Variants in SCAI observed in about 807,000 individuals in gnomAD.
The protein encoded by SCAI is suppressor of cancer cell invasion.
Under a neutral mutation model 92.2 loss-of-function variants are expected in SCAI, and 24 were observed. The observed-to-expected ratio is 0.26, with a 90% CI of 0.19 to 0.37. The LOEUF is 0.37. Ranked by LOEUF, SCAI falls within the 10% of genes least tolerant of loss-of-function variation. The pLI is 1.00. For missense variants in SCAI, 450 were observed against 736.2 expected (o/e 0.61, Z 4.50); for synonymous variants, 261 against 258.6 (o/e 1.01, Z -0.09).
chr9:125,062,255 A>G (rs745539844), intron 2 of SCAI, among the ~76,000 whole-genome samples: 1 of 151,566 alleles, frequency 6.6e-6, no homozygotes, highest in African/African-American at 2.4e-5. Context: ...CCTCTTGAGT[A>G]GCTGGGTCTC....
intron 2 of SCAI, among the ~76,000 whole-genome samples, chr9:125,064,960 A>G (rs2131151878): frequency 6.6e-6 from 1 of 152,358 alleles, no homozygotes; most frequent in Non-Finnish European, 1.5e-5. Flanking sequence ...GAACTGATTC[A>G]CAATGAAAAT....
chr9:125,081,240 C>G (rs1035199847), intron 2 of SCAI, among the ~76,000 whole-genome samples: 1 of 152,158 alleles, frequency 6.6e-6, no homozygotes, highest in Admixed American at 6.5e-5. Flanking sequence ...GAGGTTGGAA[C>G]AGTTTGGAGG....
intron 14 of SCAI, among the ~76,000 whole-genome samples, chr9:124,994,390 T>G (rs1044219578): frequency 1.3e-5 from 2 of 152,190 alleles, no homozygotes; most frequent in Non-Finnish European, 2.9e-5. Context: ...TAGTGAAATA[T>G]AAAACGAAGG....
At chr9:125,016,992 A>G (rs1394429179) in intron 9 of SCAI, among the ~76,000 whole-genome samples, 1 of 152,214 alleles carries the variant, frequency 6.6e-6, no homozygotes, top group Non-Finnish European at 1.5e-5. Flanking sequence ...GAGACAGAAG[A>G]TATCAGAAGA....
chr9:125,074,258 C>CAA lies in SCAI; in HGVS notation c.99-18253_99-18252dup, dbSNP rs1160696426. Among the ~76,000 whole-genome samples, 10 of 84,820 alleles carry CAA rather than the reference C, an allele frequency of 1.2e-4. No homozygotes were observed. The East Asian group carries it at 1.4e-3, about 12-fold the overall frequency. 55.6% of individuals were successfully genotyped at this position (84,820 alleles called of 152,430 possible). On this transcript the variant is annotated intron_variant, in intron 2 of 17. Transcript: ENST00000336505. ...TGGGTGACAGAGCGAGACTCCATATCAAAAAAAAAAAAAAAAAAGATAGAG... is the reference window on the plus strand; with the variant it reads ...TGGGTGACAGAGCGAGACTCCATATCAAAAAAAAAAAAAAAAAAAAGATAGAG...
intron 2 of SCAI, among the ~76,000 whole-genome samples, chr9:125,125,908 G>GAACACACACA (rs1564424059): frequency 2.4e-5 from 1 of 41,404 alleles, no homozygotes. Flanking sequence ...GTGCGTACAC[G>GAACACACACA]TACACACACA....
chr9:124,952,289 C>A lies in SCAI; in HGVS notation c.*518G>T, dbSNP rs1831244531. On this transcript the variant is annotated 3_prime_UTR_variant, in exon 18 of 18. Transcript: ENST00000336505. ...AAAGAAATTAAATGATTTCAAAAAACTGGCTTGATCATGTTTCAAAGGATC... is the reference window on the plus strand; with the variant it reads ...AAAGAAATTAAATGATTTCAAAAAAATGGCTTGATCATGTTTCAAAGGATC... The A allele has an allele frequency of 6.6e-6, 1 of 152,176 alleles. No homozygotes were observed. Among genetic ancestry groups the A allele is most frequent in the Admixed American group, 6.5e-5 (1 of 15,280 alleles). The allele number at this position is 152,176 out of a possible 1,614,324, so 9.4% of individuals were successfully genotyped here. A position where few individuals can be genotyped will look rare whatever the true frequency, so the allele number is the denominator to read the frequency against.
chr9:125,047,735 C>G (rs549253182), intron 3 of SCAI, among the ~76,000 whole-genome samples: 37 of 152,272 alleles, frequency 2.4e-4, no homozygotes, highest in Admixed American at 2.0e-3. Context: ...TGTAGTTAAT[C>G]TGAACTGAAA....
intron 2 of SCAI, among the ~76,000 whole-genome samples, chr9:125,140,905 C>T (rs960386498): frequency 1.7e-4 from 26 of 151,720 alleles, no homozygotes; most frequent in African/African-American, 5.6e-4. Context: ...AATATTGTCT[C>T]ACTATGTCAT....
intron 9 of SCAI, among the ~76,000 whole-genome samples, chr9:125,004,714 G>A (rs1219076111): frequency 8.8e-6 from 1 of 113,298 alleles, no homozygotes; most frequent in Non-Finnish European, 1.7e-5. Context: ...AATTAGCTAT[G>A]CTGAAATACA....
chr9:125,106,722 CTTTTTTTTTT>C (rs34740170), intron 2 of SCAI, among the ~76,000 whole-genome samples: 1 of 113,338 alleles, frequency 8.8e-6, no homozygotes, highest in Non-Finnish European at 1.8e-5. Flanking sequence ...TTTTCTTTTC[CTTTTTTTTTT>C]TTTTTTTTTT....
At chr9:125,017,564 A>G (rs1049007697) in intron 9 of SCAI, among the ~76,000 whole-genome samples, 1 of 152,220 alleles carries the variant, frequency 6.6e-6, no homozygotes, top group African/African-American at 2.4e-5. Flanking sequence ...ATAGGATCCA[A>G]AATTAAACTT....
At chr9:125,060,109 G>A (rs906868267) in intron 2 of SCAI, among the ~76,000 whole-genome samples, 7 of 152,052 alleles carry the variant, frequency 4.6e-5, no homozygotes, top group African/African-American at 1.4e-4. Flanking sequence ...TTTTTGAAAA[G>A]TCTATCTCAC....
intron 2 of SCAI, among the ~76,000 whole-genome samples, chr9:125,138,934 CAG>C (rs1835604983): frequency 6.6e-6 from 1 of 152,126 alleles, no homozygotes; most frequent in East Asian, 1.9e-4. Flanking sequence ...CTACATTTGA[CAG>C]AGCTGAATTC....
At chr9:125,064,206 TA>T (rs1242748341) in intron 2 of SCAI, among the ~76,000 whole-genome samples, 1 of 151,520 alleles carries the variant, frequency 6.6e-6, no homozygotes, top group Non-Finnish European at 1.5e-5. Flanking sequence ...AAAAGAATCA[TA>T]AAAAAAAGAC....
intron 17 of SCAI, among the ~76,000 whole-genome samples, chr9:124,969,199 C>A (rs1831602829): frequency 6.6e-6 from 1 of 152,160 alleles, no homozygotes; most frequent in South Asian, 2.1e-4. Flanking sequence ...CCTGTCTCGG[C>A]CTCCCAAAGT....
At chr9:125,127,059 A>G (rs1437250956) in intron 2 of SCAI, among the ~76,000 whole-genome samples, 1 of 151,790 alleles carries the variant, frequency 6.6e-6, no homozygotes, top group East Asian at 1.9e-4. Context: ...GGAGCAATTT[A>G]TCTGAGAAGA....
rs781487078 is a variant in SCAI at position 125,029,232 on chromosome 9, G to A, written c.326+412C>T. On this transcript the variant is annotated intron_variant, in intron 4 of 17. Transcript: ENST00000336505. ...CCACTTCAGGGTTCAAGCGATTCTC[G>A]TGCCACAGCCTCCTAAGTAGCTGGG... is the stretch of plus-strand genomic sequence containing the variant. Among the ~76,000 whole-genome samples the A allele has an allele frequency of 2.9e-4, 44 of 151,986 alleles. 1 individual carries two copies. The highest frequency in any genetic ancestry group is 4.1e-4 in the Non-Finnish European group (28 of 67,964).
rs148294585 is a variant in SCAI at position 124,949,692 on chromosome 9, T to A, written c.*3115A>T. The A allele has an allele frequency of 2.0e-4, 30 of 151,782 alleles. No individual in the cohort carries two copies. Among genetic ancestry groups the A allele is most frequent in the African/African-American group, 7.0e-4 (29 of 41,314 alleles). The allele number at this position is 151,782 out of a possible 1,614,324, so 9.4% of individuals were successfully genotyped here. A position where few individuals can be genotyped will look rare whatever the true frequency, so the allele number is the denominator to read the frequency against. On this transcript the variant is annotated 3_prime_UTR_variant, in exon 18 of 18. Coordinates refer to ENST00000336505, the MANE Select transcript of SCAI (RefSeq NM_001144877.3). This position sits in a 1 kb window ranked among gnomAD's most constrained non-coding sequence, Gnocchi z 4.0. ...AACAAACAAAAGATTTACCTTACCATAATCTACACTTTTCCATCCTACTTA... is the reference window on the plus strand; with the variant it reads ...AACAAACAAAAGATTTACCTTACCAAAATCTACACTTTTCCATCCTACTTA...
Sources: allele counts gnomAD v4.1 joint callset (sites outside exome capture counted in the v4.1 genomes callset), GRCh38; gene constraint gnomAD v4.1.1; non-coding constraint Gnocchi (gnomAD v3.1); transcripts MANE v1.5; gene names NCBI Gene and HGNC (gene_info 2026-07-23, HGNC 2026-07-21).